The following AHCTF1 variants were observed in gnomAD, a reference collection of about 807,000 sequenced individuals.
The protein encoded by AHCTF1 is AT-hook containing transcription factor 1.
Under a neutral mutation model 248.4 loss-of-function variants are expected in AHCTF1, and 24 were observed. The observed-to-expected ratio is 0.10, with a 90% CI of 0.07 to 0.14. The LOEUF (loss-of-function observed/expected upper bound fraction) is 0.14, where lower values mean the gene tolerates loss of function less well. Ranked by LOEUF, AHCTF1 falls within the 10% of genes least tolerant of loss-of-function variation. The pLI is 1.00. For synonymous variants in AHCTF1, 786 were observed against 929.8 expected, an observed-to-expected ratio of 0.85 and a Z score of 2.81; for missense variants, 2,206 against 2,636.2, an observed-to-expected ratio of 0.84 and a Z score of 3.57.
At chr1:246,930,231 G>C (rs1396034045) in intron 1 of AHCTF1, among the ~76,000 whole-genome samples, 1 of 152,140 alleles carries the variant, frequency 6.6e-6, no homozygotes, top group African/African-American at 2.4e-5. Context: ...CGAACTCTCA[G>C]TTTGAGGCTG....
chr1:246,868,989 C>CAT (rs1662299484), intron 24 of AHCTF1, among the ~76,000 whole-genome samples: 2 of 151,206 alleles, frequency 1.3e-5, no homozygotes, highest in Non-Finnish European at 2.9e-5. Flanking sequence ...GGACTACAGG[C>CAT]GCCCGCCACC....
intron 1 of AHCTF1, among the ~76,000 whole-genome samples, chr1:246,929,115 A>T (rs1667146991): frequency 6.6e-6 from 1 of 152,162 alleles, no homozygotes; most frequent in East Asian, 1.9e-4. Flanking sequence ...GGGGAAATAA[A>T]AGAGTACAGT....
intron 6 of AHCTF1, 67 bp downstream of exon 6, chr1:246,905,474 A>G (rs1572446264): frequency 1.5e-6 from 2 of 1,300,602 alleles, no homozygotes; most frequent in Non-Finnish European, 2.2e-6. Flanking sequence ...TCCAGCCTGG[A>G]CAACAGAGCG....
chr1:246,890,812 A>G (rs1300169183), intron 16 of AHCTF1, 144 bp downstream of exon 16: 1 of 496,412 alleles, frequency 2.0e-6, no homozygotes, highest in Non-Finnish European at 3.4e-6. Context: ...AAAATGTAAG[A>G]AAAGAAGGTT....
At chr1:246,902,403 A>G in intron 8 of AHCTF1, 122 bp downstream of exon 8, 1 of 1,233,772 alleles carries the variant, frequency 8.1e-7, no homozygotes, top group Admixed American at 2.2e-5. Context: ...AGAACTGAAT[A>G]AATTCCGTTA....
At chr1:246,878,163 C>T (rs1257688579) in intron 21 of AHCTF1, among the ~76,000 whole-genome samples, 3 of 151,774 alleles carry the variant, frequency 2.0e-5, no homozygotes, top group South Asian at 4.2e-4. Flanking sequence ...TTTGGGAGGC[C>T]AGGGTGGGCA....
chr1:246,869,080 G>C (rs190276696), intron 24 of AHCTF1, among the ~76,000 whole-genome samples: 12 of 150,608 alleles, frequency 8.0e-5, no homozygotes, highest in African/African-American at 3.0e-4. Flanking sequence ...TCCTGACCTC[G>C]TGATCCGCCC....
intron 1 of AHCTF1, among the ~76,000 whole-genome samples, chr1:246,929,790 A>G (rs935480514): frequency 3.9e-5 from 6 of 152,214 alleles, no homozygotes; most frequent in Non-Finnish European, 5.9e-5. Flanking sequence ...GCGGTGGCTC[A>G]CGCCTGTAAT....
At chr1:246,842,154 T>A (rs1659917357) in intron 35 of AHCTF1, among the ~76,000 whole-genome samples, 1 of 152,130 alleles carries the variant, frequency 6.6e-6, no homozygotes, top group African/African-American at 2.4e-5. Context: ...AAATCCACCT[T>A]CAGCAGTGAA....
intron 11 of AHCTF1, 73 bp from the exon 12 acceptor site, chr1:246,898,409 C>T: frequency 7.0e-7 from 1 of 1,432,914 alleles, no homozygotes; most frequent in Non-Finnish European, 9.5e-7. Flanking sequence ...TAATTAATTA[C>T]ACTTAAAATT....
In AHCTF1 at chr1:246,888,502, G is replaced by A. The variant is rs749543190; in HGVS notation, c.2160C>T (p.Pro720=). The part of the protein sequence containing the change: ...FERLSRGKWN[P]DCLMIDGLVS... Reference sequence around the variant, plus strand: ...CCAGTCCATCAATCATCAAGCAATCGGGATTCCACTTCCCTCTGCAATCAG... The same window carrying A: ...CCAGTCCATCAATCATCAAGCAATCAGGATTCCACTTCCCTCTGCAATCAG... The change falls in exon 18 of 36, where the codon CCC becomes CCT. Residue 720 remains proline, a synonymous_variant. Coordinates refer to ENST00000648844, the MANE Select transcript of AHCTF1 (RefSeq NM_001323342.2). The A allele has an allele frequency of 2.5e-5, 40 of 1,613,696 alleles. No homozygotes were observed. The highest frequency in any genetic ancestry group is 5.0e-5 in the Admixed American group (3 of 59,966).
At chr1:246,865,682 C>T (rs1661921076) in intron 26 of AHCTF1, among the ~76,000 whole-genome samples, 2 of 152,132 alleles carry the variant, frequency 1.3e-5, no homozygotes, top group African/African-American at 4.8e-5. Context: ...TTCTCAAAAG[C>T]AAGGACTGTG....
chr1:246,878,066 G>GA (rs1663105552), intron 21 of AHCTF1, among the ~76,000 whole-genome samples: 2 of 151,786 alleles, frequency 1.3e-5, no homozygotes, highest in Non-Finnish European at 2.9e-5. Flanking sequence ...ACAGTCTACA[G>GA]AAACACCAGC....
intron 29 of AHCTF1, 106 bp from the exon 30 acceptor site, chr1:246,857,920 C>A: frequency 3.0e-6 from 3 of 1,004,532 alleles, no homozygotes; most frequent in Non-Finnish European, 4.3e-6. Context: ...CTTTTTTGTT[C>A]TTTTAGGTTT....
At chr1:246,918,146 T>C in intron 2 of AHCTF1, 104 bp downstream of exon 2, 5 of 1,070,504 alleles carry the variant, frequency 4.7e-6, no homozygotes, top group Non-Finnish European at 6.2e-6. Context: ...ATCACTCAGG[T>C]TCTGCTTTTT....
intron 14 of AHCTF1, among the ~76,000 whole-genome samples, chr1:246,892,293 T>C (rs1440252865): frequency 6.8e-6 from 1 of 147,788 alleles, no homozygotes; most frequent in African/African-American, 2.5e-5. Context: ...AAATTCTAAT[T>C]TGTTTTACTT....
chr1:246,881,469 C>A (rs529608809), intron 21 of AHCTF1, among the ~76,000 whole-genome samples: 1 of 152,100 alleles, frequency 6.6e-6, no homozygotes, highest in African/African-American at 2.4e-5. Flanking sequence ...TGACATTTCA[C>A]CTATTAAATG....
intron 24 of AHCTF1, among the ~76,000 whole-genome samples, chr1:246,873,535 A>G (rs61854016): frequency 6.6e-6 from 1 of 152,286 alleles, no homozygotes; most frequent in East Asian, 1.9e-4. Context: ...CAGTGAAGGG[A>G]AAGAATCCGT....
intron 8 of AHCTF1, among the ~76,000 whole-genome samples, chr1:246,900,767 G>C (rs1049141115): frequency 1.3e-5 from 2 of 152,204 alleles, no homozygotes; most frequent in African/African-American, 4.8e-5. Context: ...AGTACAAAAT[G>C]ATTTGAATGA....
Sources: allele counts gnomAD v4.1 joint callset (sites outside exome capture counted in the v4.1 genomes callset), GRCh38; gene constraint gnomAD v4.1.1; transcripts MANE v1.5; gene names NCBI Gene and HGNC (gene_info 2026-07-23, HGNC 2026-07-21).